The following CADM1 variants were observed in gnomAD, a reference collection of about 807,000 sequenced individuals.
CADM1 encodes cell adhesion molecule 1.
In CADM1, 15 loss-of-function variants were observed where a neutral mutation model predicts 53.1. That is an observed-to-expected ratio of 0.28 (90% CI 0.19 to 0.44). The LOEUF (loss-of-function observed/expected upper bound fraction) is 0.44, where lower values mean the gene tolerates loss of function less well. Ranked by LOEUF, CADM1 falls within the 20% of genes least tolerant of loss-of-function variation. The pLI is 1.00. For missense variants in CADM1, 434 were observed against 611.3 expected (o/e 0.71, Z 3.06); for synonymous variants, 281 against 243.0 (o/e 1.16, Z -1.45).
intron 1 of CADM1, among the ~76,000 whole-genome samples, chr11:115,245,606 C>T (rs1372802078): frequency 6.6e-6 from 1 of 152,160 alleles, no homozygotes; most frequent in East Asian, 1.9e-4. Flanking sequence ...ATAAAACCAT[C>T]ACTAGTAGAG....
chr11:115,306,729 G>A (rs1221055899), intron 1 of CADM1, among the ~76,000 whole-genome samples: 1 of 151,976 alleles, frequency 6.6e-6, no homozygotes, highest in African/African-American at 2.4e-5. Flanking sequence ...AAACTTAGAA[G>A]TTAACCAAAG....
chr11:115,242,413 C>T (rs1942270356), intron 1 of CADM1, among the ~76,000 whole-genome samples: 2 of 150,348 alleles, frequency 1.3e-5, no homozygotes, highest in Non-Finnish European at 2.9e-5. Context: ...GAATTCAGAA[C>T]CCAGCTGGAG....
chr11:115,209,848 AAAG>A (rs1375287774), intron 7 of CADM1, among the ~76,000 whole-genome samples, 191 bp from the exon 8 acceptor site: 1 of 152,198 alleles, frequency 6.6e-6, no homozygotes, highest in Non-Finnish European at 1.5e-5. Flanking sequence ...AGAGCTGAGA[AAAG>A]AAGAAAAGAG....
chr11:115,329,223 C>T (rs1224435389), intron 1 of CADM1, among the ~76,000 whole-genome samples: 1 of 151,908 alleles, frequency 6.6e-6, no homozygotes, highest in Non-Finnish European at 1.5e-5. Context: ...GAAAGTGTAC[C>T]TGGAATGTAG....
intron 1 of CADM1, among the ~76,000 whole-genome samples, chr11:115,437,901 G>A (rs1565427650): frequency 6.6e-6 from 1 of 152,182 alleles, no homozygotes; most frequent in Non-Finnish European, 1.5e-5. Flanking sequence ...AGGTACATAT[G>A]TAATAGAGAA....
chr11:115,292,072 G>A (rs201634611), intron 1 of CADM1, among the ~76,000 whole-genome samples: 1 of 151,860 alleles, frequency 6.6e-6, no homozygotes, highest in Non-Finnish European at 1.5e-5. Context: ...CTTGTCTTCT[G>A]TTTCTTACCA....
At chr11:115,354,438 AG>A (rs1945812296) in intron 1 of CADM1, among the ~76,000 whole-genome samples, 1 of 152,196 alleles carries the variant, frequency 6.6e-6, no homozygotes, top group South Asian at 2.1e-4. Context: ...GATATTCTTA[AG>A]ACCTGGAAAT....
chr11:115,226,434 C>T (rs1217605725), intron 5 of CADM1, among the ~76,000 whole-genome samples: 1 of 152,070 alleles, frequency 6.6e-6, no homozygotes, highest in Non-Finnish European at 1.5e-5. Flanking sequence ...CTATAGCTAT[C>T]AAAGGGTTTT....
intron 3 of CADM1, among the ~76,000 whole-genome samples, chr11:115,234,966 CA>C (rs1941961400): frequency 1.4e-5 from 2 of 147,760 alleles, no homozygotes; most frequent in Admixed American, 1.4e-4. Context: ...TTGTTGAGAT[CA>C]CCATCCTGTG....
At chr11:115,340,326 T>C (rs191226341) in intron 1 of CADM1, 1 of 152,062 alleles carries the variant, frequency 6.6e-6, no homozygotes, top group African/African-American at 2.4e-5. Context: ...CTCTGTTCCA[T>C]CTTTGATCAC....
chr11:115,354,277 G>C (rs191065638), intron 1 of CADM1, among the ~76,000 whole-genome samples: 1 of 152,246 alleles, frequency 6.6e-6, no homozygotes, highest in African/African-American at 2.4e-5. Flanking sequence ...AATTAAGCAT[G>C]ATTATTCATG....
At chr11:115,415,635 G>A (rs1429901182) in intron 1 of CADM1, among the ~76,000 whole-genome samples, 3 of 151,710 alleles carry the variant, frequency 2.0e-5, no homozygotes, top group South Asian at 2.1e-4. Context: ...TCAGGAGTTC[G>A]AGACCAGCCT....
intron 1 of CADM1, among the ~76,000 whole-genome samples, chr11:115,351,823 C>T (rs895384280): frequency 6.6e-6 from 1 of 152,146 alleles, no homozygotes; most frequent in Non-Finnish European, 1.5e-5. Flanking sequence ...CGGCCTCTTC[C>T]TGCACTGCTC....
At chr11:115,185,086 G>A (rs1437966456) in intron 10 of CADM1, among the ~76,000 whole-genome samples, 4 of 152,168 alleles carry the variant, frequency 2.6e-5, no homozygotes, top group African/African-American at 9.7e-5. Flanking sequence ...TACTTCACAG[G>A]GTCACTTTGA....
intron 1 of CADM1, among the ~76,000 whole-genome samples, chr11:115,343,519 A>G (rs1423856401): frequency 1.3e-5 from 2 of 152,132 alleles, no homozygotes; most frequent in East Asian, 1.9e-4. Context: ...CATTTATAAG[A>G]GCAAATGACT....
intron 1 of CADM1, among the ~76,000 whole-genome samples, chr11:115,380,508 A>C (rs1414317303): frequency 6.6e-6 from 1 of 152,228 alleles, no homozygotes; most frequent in East Asian, 1.9e-4. Flanking sequence ...GGGAAATAGA[A>C]AATGTTTTCT....
chr11:115,200,848 G>A (rs1940392710), intron 8 of CADM1, among the ~76,000 whole-genome samples: 1 of 152,092 alleles, frequency 6.6e-6, no homozygotes, highest in Non-Finnish European at 1.5e-5. Flanking sequence ...AAGGGCGGGG[G>A]GTGGAGTAAG....
chr11:115,398,856 T>G (rs1276108870), intron 1 of CADM1, among the ~76,000 whole-genome samples: 1 of 152,166 alleles, frequency 6.6e-6, no homozygotes, highest in African/African-American at 2.4e-5. Context: ...TACAAAATCC[T>G]TTGGTGCCTG....
At chr11:115,220,737 A>C (rs1941374562) in intron 5 of CADM1, among the ~76,000 whole-genome samples, 1 of 152,218 alleles carries the variant, frequency 6.6e-6, no homozygotes, top group South Asian at 2.1e-4. Context: ...GGTGATGGAA[A>C]CTTAAAAATA....
Sources: allele counts gnomAD v4.1 joint callset (sites outside exome capture counted in the v4.1 genomes callset), GRCh38; gene constraint gnomAD v4.1.1; transcripts MANE v1.5; gene names NCBI Gene and HGNC (gene_info 2026-07-23, HGNC 2026-07-21).